Variants in DDX60 observed in about 807,000 individuals in gnomAD.
The protein encoded by DDX60 is DExD/H-box helicase 60, also known as probable ATP-dependent RNA helicase DDX60.
DDX60 carries 165 observed loss-of-function variants against 212.8 expected under a neutral mutation model. The observed-to-expected ratio is 0.78, with a 90% CI of 0.68 to 0.88. The LOEUF (loss-of-function observed/expected upper bound fraction) is 0.88. Ranked by LOEUF, DDX60 falls within the 40% of genes least tolerant of loss-of-function variation. DDX60 has a pLI of 0.00. For missense variants in DDX60, 1,905 were observed against 2,003.9 expected (o/e 0.95, Z 0.94); for synonymous variants, 703 against 685.3 (o/e 1.03, Z -0.40).
chr4:168,290,783 AAAAT>A (rs1736060234), intron 8 of DDX60, among the ~76,000 whole-genome samples: 1 of 152,176 alleles, frequency 6.6e-6, no homozygotes, highest in South Asian at 2.1e-4. Context: ...TCTTCTGTGG[AAAAT>A]GTAGGTCTAT....
At chr4:168,265,924 C>T (rs940579154) in intron 22 of DDX60, among the ~76,000 whole-genome samples, 5 of 151,208 alleles carry the variant, frequency 3.3e-5, no homozygotes, top group African/African-American at 7.3e-5. Flanking sequence ...GAATAAAGTG[C>T]CTTTTATTCT....
chr4:168,284,734 G>A, intron 12 of DDX60, 86 bp downstream of exon 12: 1 of 623,966 alleles, frequency 1.6e-6, no homozygotes, highest in Non-Finnish European at 2.6e-6. Flanking sequence ...AATTTAATTT[G>A]TGTCTTATGA....
At position 168,220,645 on chromosome 4, in the gene DDX60, T is replaced by A. The variant is rs947012767; in HGVS notation, c.5039+10A>T. Reference sequence around the variant, plus strand: ...AAAATCTAAAATCAATATTTAAATATATAACACACCTGATAGATTTAATGG... The same window carrying A: ...AAAATCTAAAATCAATATTTAAATAAATAACACACCTGATAGATTTAATGG... On this transcript the variant is annotated intron_variant, in intron 37 of 37. Coordinates refer to ENST00000393743, the MANE Select transcript of DDX60 (RefSeq NM_017631.6). 1.6e-5 allele frequency: 21 copies of A among 1,349,446 alleles called. No individual in the cohort carries two copies. The Admixed American group carries it at 3.3e-4, about 21-fold the overall frequency. 83.6% of individuals were successfully genotyped at this position (1,349,446 alleles called of 1,614,324 possible). A position where few individuals can be genotyped will look rare whatever the true frequency, so the allele number is the denominator to read the frequency against.
At chr4:168,275,315 C>T (rs375277668) in intron 16 of DDX60, 30 bp downstream of exon 16, 49 of 1,563,342 alleles carry the variant, frequency 3.1e-5, no homozygotes, top group Non-Finnish European at 4.2e-5. Flanking sequence ...TAAGAAAATA[C>T]AGTAATTTTT....
chr4:168,272,895 C>T (rs1249171835), intron 18 of DDX60, among the ~76,000 whole-genome samples: 1 of 152,158 alleles, frequency 6.6e-6, no homozygotes, highest in Admixed American at 6.5e-5. Flanking sequence ...GGTATACGAT[C>T]CATAATACAA....
intron 6 of DDX60, among the ~76,000 whole-genome samples, chr4:168,294,313 G>C (rs1736246726): frequency 6.6e-6 from 1 of 151,976 alleles, no homozygotes; most frequent in African/African-American, 2.4e-5. Context: ...ACTACTAGAA[G>C]AAAACATAGG....
intron 20 of DDX60, among the ~76,000 whole-genome samples, 184 bp downstream of exon 20, chr4:168,268,670 T>C (rs1247093262): frequency 7.5e-5 from 11 of 147,172 alleles, no homozygotes; most frequent in Admixed American, 5.4e-4. Context: ...CCTTAATTTA[T>C]ACAGGGTGGC....
chr4:168,286,239 G>A (rs893996584), intron 10 of DDX60, among the ~76,000 whole-genome samples: 3 of 151,278 alleles, frequency 2.0e-5, no homozygotes, highest in Non-Finnish European at 2.9e-5. Context: ...GACGATGGAA[G>A]CCTCAGAGAT....
chr4:168,281,981 A>G (rs1735613328), intron 13 of DDX60, among the ~76,000 whole-genome samples: 1 of 152,210 alleles, frequency 6.6e-6, no homozygotes, highest in African/African-American at 2.4e-5. Flanking sequence ...AATTTCTGCA[A>G]ATTTACCATT....
intron 33 of DDX60, among the ~76,000 whole-genome samples, chr4:168,231,564 G>T (rs1224226703): frequency 6.6e-6 from 1 of 151,994 alleles, no homozygotes; most frequent in Admixed American, 6.6e-5. Context: ...TTTATCATAT[G>T]CAAGTGAATA....
chr4:168,291,341 T>A (rs1412630449), intron 8 of DDX60, among the ~76,000 whole-genome samples: 1 of 152,226 alleles, frequency 6.6e-6, no homozygotes, highest in Non-Finnish European at 1.5e-5. Flanking sequence ...GTTTTTCTTC[T>A]GTTTTTGCTT....
upstream of DDX60, among the ~76,000 whole-genome samples, chr4:168,320,115 G>A (rs1479824416): frequency 6.6e-6 from 1 of 152,084 alleles, no homozygotes; most frequent in Non-Finnish European, 1.5e-5. Flanking sequence ...TACCTGCCTG[G>A]GGTAGGCTGA....
chr4:168,219,755 G>A (rs1732984122), intron 37 of DDX60, among the ~76,000 whole-genome samples: 1 of 152,130 alleles, frequency 6.6e-6, no homozygotes, highest in Non-Finnish European at 1.5e-5. Context: ...TGGACATTTA[G>A]GCCAGGAGCG....
In DDX60 at chr4:168,283,505, C is replaced by A; in HGVS notation, c.1663G>T (p.Val555Leu). 3 of 1,613,400 alleles carry A rather than the reference C, an allele frequency of 1.9e-6. No homozygotes were observed. The highest frequency in any genetic ancestry group is 2.5e-6 in the Non-Finnish European group (3 of 1,179,620). The change falls in exon 13 of 38, where the codon GTG becomes TTG. Residue 555 changes from valine to leucine, a missense_variant. Physicochemically the swap from Val to Leu is conservative, Grantham distance 32 (BLOSUM62 1). Transcript: ENST00000393743. ...TTCTTTGACTTAATAGTTTGAGTCA[C>A]GATGATTTTCGAAGAGACTGTTTCT... ...SLETVSSKIIVTQTIKSKKDF... is the reference protein window; with the variant it reads ...SLETVSSKIILTQTIKSKKDF...
intron 19 of DDX60, among the ~76,000 whole-genome samples, chr4:168,271,757 C>T (rs1199218831): frequency 1.3e-5 from 2 of 152,178 alleles, no homozygotes; most frequent in Non-Finnish European, 2.9e-5. Context: ...TCCAGGGAAA[C>T]TTGTACCAGG....
chr4:168,263,962 A>G (rs1199910555), intron 22 of DDX60, among the ~76,000 whole-genome samples: 1 of 152,202 alleles, frequency 6.6e-6, no homozygotes, highest in Non-Finnish European at 1.5e-5. Flanking sequence ...AGAAGTAAAT[A>G]TAGCATGCAA....
In DDX60 at chr4:168,293,642, C is replaced by G. The variant is rs1296803081; in HGVS notation, c.882+145G>C. 3.1e-5 allele frequency: 22 copies of G among 715,570 alleles called. No individual in the cohort carries two copies. The East Asian group carries it at 4.0e-4, about 13-fold the overall frequency. 44.3% of individuals were successfully genotyped at this position (715,570 alleles called of 1,614,324 possible). The stretch of plus-strand genomic sequence containing the variant: ...GGCACAATAAGTGTTTCCTGATAGA[C>G]ACAAATTTCAGTTTTATTTTCTGAA... On this transcript the variant is annotated intron_variant, in intron 7 of 37. Coordinates refer to ENST00000393743, the MANE Select transcript of DDX60 (RefSeq NM_017631.6).
At chr4:168,281,202 C>A (rs187285795) in intron 13 of DDX60, among the ~76,000 whole-genome samples, 1 of 152,238 alleles carries the variant, frequency 6.6e-6, no homozygotes, top group Non-Finnish European at 1.5e-5. Flanking sequence ...GACTGCCTCT[C>A]TTTTCATTTC....
At chr4:168,273,030 C>A (rs1292680648) in intron 18 of DDX60, among the ~76,000 whole-genome samples, 3 of 152,012 alleles carry the variant, frequency 2.0e-5, no homozygotes, top group Non-Finnish European at 4.4e-5. Context: ...CCTTTACAAA[C>A]CAAGACAATG....
Sources: gnomAD v4.1 joint callset for allele counts (sites outside exome capture counted in the v4.1 genomes callset) on GRCh38, gnomAD v4.1.1 for gene constraint, MANE v1.5 for transcripts, NCBI Gene and HGNC (gene_info 2026-07-23, HGNC 2026-07-21) for gene names.